Variants in TTN observed in about 807,000 individuals in gnomAD.
TTN encodes connectin.
Under a neutral mutation model 3,223.0 loss-of-function variants are expected in TTN, and 1,525 were observed. The observed-to-expected ratio is 0.47, with a 90% CI of 0.45 to 0.49. The LOEUF (loss-of-function observed/expected upper bound fraction) is 0.49, where lower values mean the gene tolerates loss of function less well. TTN is among the 20% of genes least tolerant of loss of function. TTN has a pLI of 0.00. For missense variants in TTN, 40,786 were observed against 43,424.0 expected (o/e 0.94, Z 5.40); for synonymous variants, 14,094 against 15,161.0 (o/e 0.93, Z 5.17).
chr2:178,541,645 T>C, intron 349 of TTN, 61 bp from the exon 350 acceptor site: 3 of 1,414,730 alleles, frequency 2.1e-6, no homozygotes, highest in Non-Finnish European at 2.8e-6. Context: ...CAATGACTCA[T>C]ATATTTGTGT....
At position 178,571,563 on chromosome 2, in the gene TTN, G is replaced by T. The variant is rs766557412; in HGVS notation, c.74569C>A (p.Gln24857Lys). ...EKRDTSTTTW[Q>K]IVSATVARTT... ...CTTGCAACTGTAGCTGATACAATTT[G>T]CCAGGTGGTTGTGGAAGTGTCCCGT... The change falls in exon 326 of 363, where the codon CAA (glutamine) becomes AAA (lysine). Residue 24857 changes from glutamine (Q) to lysine (K), a missense_variant. By Grantham distance (53) the Gln-to-Lys change is moderately conservative. Coordinates refer to ENST00000589042, the MANE Select transcript of TTN (RefSeq NM_001267550.2). The T allele has an allele frequency of 5.6e-6, 9 of 1,613,200 alleles. No homozygotes were observed. In the South Asian group the frequency reaches 8.8e-5, roughly 16 times the overall value.
intron 159 of TTN, among the ~76,000 whole-genome samples, chr2:178,667,963 A>G (rs1419447472): frequency 6.6e-6 from 1 of 152,164 alleles, no homozygotes; most frequent in Admixed American, 6.6e-5. Context: ...GGCAAGGACT[A>G]TATAATTCTT....
At position 178,569,645 on chromosome 2, in the gene TTN, G is replaced by C. The variant is rs886039105; in HGVS notation, c.76487C>G (p.Pro25496Arg). The change falls in exon 326 of 363, where the codon CCT becomes CGT. Residue 25496 changes from proline to arginine, a missense_variant. Coordinates refer to ENST00000589042, the MANE Select transcript of TTN (RefSeq NM_001267550.2). ...TTTTTCTTCAACTATAATAGGTCCA[G>C]GGACGTCAGCATGTTCTCCAACTCC... ...KAGVGEHADVPGPIIVEEKLE... is the reference protein window; with the variant it reads ...KAGVGEHADVRGPIIVEEKLE... 2 of 1,611,954 alleles carry C rather than the reference G, an allele frequency of 1.2e-6. No individual in the cohort carries two copies. Among genetic ancestry groups the C allele is most frequent in the African/African-American group, 2.7e-5 (2 of 74,860 alleles).
chr2:178,569,966 T>C lies in TTN; in HGVS notation c.76166A>G (p.Glu25389Gly). 1 of 1,612,282 alleles carries C rather than the reference T, an allele frequency of 6.2e-7. No homozygotes were observed. Among genetic ancestry groups the C allele is most frequent in the Non-Finnish European group, 8.5e-7 (1 of 1,178,868 alleles). ...TTGGTAAGCAGAAGGAGGGCTTGGT[T>C]CACTAAGTCCAGCAGCATTCTCAGC... ...VSAENAAGLS[E>G]PSPPSAYQKA... The change falls in exon 326 of 363, where the codon GAA (glutamate) becomes GGA (glycine). Residue 25389 changes from glutamate to glycine, a missense_variant. Physicochemically the swap from Glu to Gly is moderately conservative, Grantham distance 98. Transcript: ENST00000589042.
chr2:178,707,062 C>G lies in TTN; in HGVS notation c.29042-108G>C. 3 of 890,916 alleles carry G rather than the reference C, an allele frequency of 3.4e-6. No individual in the cohort carries two copies. The South Asian group carries it at 5.6e-5, about 17-fold the overall frequency. 55.2% of individuals were successfully genotyped at this position (890,916 alleles called of 1,614,324 possible). On this transcript the variant is annotated intron_variant, in intron 100 of 362. Transcript: ENST00000589042. The stretch of plus-strand genomic sequence containing the variant: ...AGGTTGGCAGTTTGATAAGTAAGTA[C>G]TGCAGAATTCTCTTTCTATGTAAGG...
rs763904270 is a variant in TTN, at chr2:178,618,109, A to G, written c.47270-28T>C. 1.8e-5 allele frequency: 29 copies of G among 1,610,980 alleles called. No homozygotes were observed. The Admixed American group carries it at 3.4e-4, about 19-fold the overall frequency. ...GGATTTCACCACAGAAGAAGAAAATATGAGTTTGGGGTAACGATGATGAAG... is the reference window on the plus strand; with the variant it reads ...GGATTTCACCACAGAAGAAGAAAATGTGAGTTTGGGGTAACGATGATGAAG... On this transcript the variant is annotated intron_variant, in intron 252 of 362. Transcript: ENST00000589042.
intron 240 of TTN, among the ~76,000 whole-genome samples, chr2:178,627,752 G>C (rs922196887): frequency 2.6e-5 from 4 of 151,936 alleles, no homozygotes; most frequent in Non-Finnish European, 5.9e-5. Context: ...AACTGAGACT[G>C]ATCTTTTAAT....
chr2:178,719,270 A>G lies in TTN; in HGVS notation c.24120T>C (p.Cys8040=). 6.2e-7 allele frequency: 1 copy of G among 1,613,790 alleles called. No homozygotes were observed. Among genetic ancestry groups the G allele is most frequent in the Non-Finnish European group, 8.5e-7 (1 of 1,179,752 alleles). The change falls in exon 83 of 363, where the codon TGT becomes TGC. Residue 8040 remains cysteine, a synonymous_variant. Transcript: ENST00000589042. ...GCTCCAACAAGCTCAGATTCAAAGT[A>G]CAGACGTTTTCCGAAAAGCTGGACT... ...KCQSSFSENV[C]TLNLSLLEPS... is the part of the protein sequence containing the mutation.
chr2:178,527,677 A>G lies in TTN; in HGVS notation c.107449T>C (p.Ser35817Pro), dbSNP rs751051899. Residue 35817 changes from serine to proline, a missense_variant, in exon 362 of 363, where the codon TCG becomes CCG. By Grantham distance (74) the Ser-to-Pro change is moderately conservative (BLOSUM62 -1). Coordinates refer to ENST00000589042, the MANE Select transcript of TTN (RefSeq NM_001267550.2). ...GCAGACATTTGGACTGACTGAGACG[A>G]GAAGCTTCCTTGCAAGCTTGTGTCA... ...SGDTSLQGSF[S>P]SQSVQMSASK... 2 of 1,613,526 alleles carry G rather than the reference A, an allele frequency of 1.2e-6. No homozygotes were observed.
rs1261582084 is a variant in TTN, at chr2:178,573,022, C to G, written c.73110G>C (p.Trp24370Cys). The G allele has an allele frequency of 1.2e-5, 20 of 1,612,920 alleles. No individual in the cohort carries two copies. The highest frequency in any genetic ancestry group is 1.7e-5 in the Non-Finnish European group (20 of 1,179,428). ...GTCCTGCTGGTGGAGTGACAATCTGCCATTCATCTTCCTCTGGCAGGGCAA... is the reference window on the plus strand; with the variant it reads ...GTCCTGCTGGTGGAGTGACAATCTGGCATTCATCTTCCTCTGGCAGGGCAA... ...VEIALPEEDE[W>C]QIVTPPAGLK... Residue 24370 changes from tryptophan to cysteine, a missense_variant, in exon 326 of 363, where the codon TGG becomes TGC. Transcript: ENST00000589042.
rs1704273928 is a variant in TTN at position 178,563,056 on chromosome 2, A to T, written c.83076T>A (p.Thr27692=). The T allele has an allele frequency of 6.2e-7, 1 of 1,613,580 alleles. No homozygotes were observed. Among genetic ancestry groups the T allele is most frequent in the Non-Finnish European group, 8.5e-7 (1 of 1,179,716 alleles). The change falls in exon 326 of 363, where the codon ACT becomes ACA. Residue 27692 remains threonine, a synonymous_variant. Transcript: ENST00000589042. This position sits in a 1 kb window ranked among gnomAD's most constrained non-coding sequence, Gnocchi z 4.5. ...RKVVVLRASA[T]LRLFVTIKGR... is the part of the protein sequence containing the mutation. Reference sequence around the variant, plus strand: ...CTTTGATAGTGACAAATAAGCGTAAAGTAGCACTTGCACGCAGAACGACCA... The same window carrying T: ...CTTTGATAGTGACAAATAAGCGTAATGTAGCACTTGCACGCAGAACGACCA...
In TTN at chr2:178,732,462, G is replaced by A. The variant is rs1414216197; in HGVS notation, c.16599C>T (p.Cys5533=). Reference sequence around the variant, plus strand: ...AACCTTTTACAAACAAGTTTGCACTGCATTCCACCCCTCCAGCGACATTGC... The same window carrying A: ...AACCTTTTACAAACAAGTTTGCACTACATTCCACCCCTCCAGCGACATTGC... ...KVSNVAGGVE[C]SANLFVKEPA... The change falls in exon 56 of 363, where the codon TGC becomes TGT. Residue 5533 remains cysteine (C), a synonymous_variant. Coordinates refer to ENST00000589042, the MANE Select transcript of TTN (RefSeq NM_001267550.2). 1 of 1,610,686 alleles carries A rather than the reference G, an allele frequency of 6.2e-7. No individual in the cohort carries two copies. Among genetic ancestry groups the A allele is most frequent in the Middle Eastern group, 1.7e-4 (1 of 6,038 alleles).
chr2:178,534,626 C>T lies in TTN; in HGVS notation c.101989G>A (p.Asp33997Asn). 1 of 1,613,712 alleles carries T rather than the reference C, an allele frequency of 6.2e-7. No homozygotes were observed. The highest frequency in any genetic ancestry group is 1.1e-5 in the South Asian group (1 of 91,064). ...HQHDVVSTAT[D>N]MWSLGTLVYV... ...ACCAGTGTTCCAAGTGACCACATGT[C>T]TGTGGCTGTGCTGACAACATCATGC... Residue 33997 changes from aspartate to asparagine, a missense_variant, in exon 358 of 363, where the codon GAC (aspartate) becomes AAC (asparagine). Asp to Asn is a conservative substitution (Grantham distance 23). Transcript: ENST00000589042.
In TTN at chr2:178,566,566, A is replaced by C. The variant is rs1401926598; in HGVS notation, c.79566T>G (p.Tyr26522Ter). 1 of 1,613,014 alleles carries C rather than the reference A, an allele frequency of 6.2e-7. No homozygotes were observed. The highest frequency in any genetic ancestry group is 8.5e-7 in the Non-Finnish European group (1 of 1,179,682). ...CATCTGCTTTACAGATTTCTACTAC[A>C]TATCCCAAGATCTCACTGCCGCCAT... Reference protein sequence around the residue: ...IYDGGSEILGYVVEICKADEE... With the variant: ...IYDGGSEILG Residue 26522 changes from tyrosine to a stop codon, truncating the protein, a stop_gained, in exon 326 of 363, where the codon TAT becomes TAG. Transcript: ENST00000589042. LOFTEE classifies it high-confidence loss of function.
At position 178,721,046 on chromosome 2, in the gene TTN, G is replaced by T; in HGVS notation, c.22973C>A (p.Ser7658Ter). 2 of 1,613,352 alleles carry T rather than the reference G, an allele frequency of 1.2e-6. No homozygotes were observed. The highest frequency in any genetic ancestry group is 1.7e-6 in the Non-Finnish European group (2 of 1,179,410). The change falls in exon 79 of 363, where the codon TCA becomes TAA. Residue 7658 changes from serine (S) to a stop codon, truncating the protein, a stop_gained. Transcript: ENST00000589042. LOFTEE classifies it high-confidence loss of function. Reference protein sequence around the residue: ...ELHESWKYNMSFINSVALLTI... With the variant: ...ELHESWKYNM ...AAGCAATGCCACAGAATTAATGAAT[G>T]ACATGTTGTATTTCCAACTTTCATG...
At chr2:178,756,825 AAAG>A in intron 45 of TTN, 28 bp from the exon 46 acceptor site, 1 of 1,594,108 alleles carries the variant, frequency 6.3e-7, no homozygotes, top group Non-Finnish European at 8.6e-7. Flanking sequence ...AAGAAAAAGA[AAAG>A]AATATTAAGA....
chr2:178,750,693 CCTTTTTT>C (rs1561027794), intron 47 of TTN: 1 of 1,612,580 alleles, frequency 6.2e-7, no homozygotes, highest in South Asian at 1.1e-5. Context: ...CTCAAATCAT[CCTTTTTT>C]ATTCTTTCAC....
At position 178,560,887 on chromosome 2, in the gene TTN, T is replaced by A; in HGVS notation, c.85245A>T (p.Leu28415Phe). ...CTCGTCTTATACAGTCTTTAACTGT[T>A]AACAAAGTATGATTGTCTGTTGAGA... ...EIISTDNHTL[L>F]TVKDCIRRDT... Residue 28415 changes from leucine to phenylalanine, a missense_variant, in exon 326 of 363, where the codon TTA (leucine) becomes TTT (phenylalanine). Transcript: ENST00000589042. 6.2e-7 allele frequency: 1 copy of A among 1,613,764 alleles called. No individual in the cohort carries two copies. The highest frequency in any genetic ancestry group is 8.5e-7 in the Non-Finnish European group (1 of 1,179,810).
intron 119 of TTN, 59 bp from the exon 120 acceptor site, chr2:178,692,639 G>T: frequency 1.6e-6 from 2 of 1,285,638 alleles, no homozygotes; most frequent in Non-Finnish European, 2.1e-6. Context: ...ATATGTTGTT[G>T]TAAGACTTAG....
Sources: gnomAD v4.1 joint callset for allele counts (sites outside exome capture counted in the v4.1 genomes callset) on GRCh38, gnomAD v4.1.1 for gene constraint, Gnocchi (gnomAD v3.1) non-coding constraint, MANE v1.5 for transcripts, NCBI Gene and HGNC (gene_info 2026-07-23, HGNC 2026-07-21) for gene names.